NAA38: variants seen among roughly 807,000 people sequenced by gnomAD.
NAA38 encodes the protein N-alpha-acetyltransferase 38, NatC auxiliary subunit.
In NAA38, 15 loss-of-function variants were observed where a neutral mutation model predicts 12.6. The ratio of observed to expected loss-of-function variants is 1.19; its 90% CI spans 0.79 to 1.83. NAA38 has a LOEUF of 1.83. Ranked by LOEUF, NAA38 falls within the 40% of genes most tolerant of loss-of-function variation. The pLI is 0.00. For missense variants in NAA38, 183 were observed against 171.7 expected (o/e 1.07, Z -0.37); for synonymous variants, 88 against 69.9 (o/e 1.26, Z -1.29).
intron 2 of NAA38, among the ~76,000 whole-genome samples, chr17:7,868,613 A>T (rs996661073): frequency 2.6e-5 from 4 of 152,226 alleles, no homozygotes; most frequent in African/African-American, 9.6e-5. Context: ...AGTGTTGTTG[A>T]GAAGATTAAA....
intron 2 of NAA38, among the ~76,000 whole-genome samples, chr17:7,880,984 T>C (rs1967261853): frequency 6.6e-6 from 1 of 152,082 alleles, no homozygotes; most frequent in African/African-American, 2.4e-5. Flanking sequence ...CCAAGTTAGT[T>C]AGGAGTACTG....
chr17:7,858,356 G>C, upstream of NAA38: 1 of 1,614,090 alleles, frequency 6.2e-7, no homozygotes, highest in South Asian at 1.1e-5. Flanking sequence ...CGTTTGCCTG[G>C]TTCTCGAAGG....
At chr17:7,874,291 C>T (rs969327794) in intron 2 of NAA38, among the ~76,000 whole-genome samples, 19 of 152,194 alleles carry the variant, frequency 1.2e-4, no homozygotes, top group South Asian at 4.2e-4. Context: ...GAATTTAATA[C>T]TTCAAAAGGA....
rs747987481 is a variant in NAA38, at chr17:7,857,158, G to A, written c.122C>T (p.Ala41Val). 1 of 1,612,856 alleles carries A rather than the reference G, an allele frequency of 6.2e-7. No homozygotes were observed. Among genetic ancestry groups the A allele is most frequent in the African/African-American group, 1.3e-5 (1 of 74,936 alleles). Residue 41 changes from alanine (A) to valine (V), a missense_variant, in exon 2 of 3, where the codon GCC becomes GTC. By Grantham distance (64) the Ala-to-Val change is moderately conservative (BLOSUM62 0). Coordinates refer to ENST00000575771, the MANE Select transcript of NAA38 (RefSeq NM_001320925.4). ...GAGCAGCGCCTCTAGCTGCTGTCGGGCGCGCTCAGCCGCCGAGTCCTCGCG... is the reference window on the plus strand; with the variant it reads ...GAGCAGCGCCTCTAGCTGCTGTCGGACGCGCTCAGCCGCCGAGTCCTCGCG... ...GEREDSAAER[A>V]RQQLEALLNK...
chr17:7,860,637 A>C (rs2078876045), upstream of NAA38: 1 of 152,222 alleles, frequency 6.6e-6, no homozygotes, highest in Admixed American at 6.5e-5. Flanking sequence ...CACTGCTCTC[A>C]GCAAGTATTT....
upstream of NAA38, chr17:7,885,283 TCCCCTCCCCCGCCGCA>T (rs1355793417): frequency 1.6e-4 from 22 of 141,124 alleles, no homozygotes; most frequent in South Asian, 2.3e-4. Context: ...CCAGGCCTCC[TCCCCTCCCCCGCCGCA>T]CCCCTCCCCC....
At chr17:7,880,133 T>C (rs1967245665) in intron 2 of NAA38, among the ~76,000 whole-genome samples, 1 of 152,078 alleles carries the variant, frequency 6.6e-6, no homozygotes, top group Admixed American at 6.5e-5. Context: ...TGCTATCACA[T>C]ACATTACTGC....
chr17:7,859,424 C>G, upstream of NAA38: 1 of 1,614,114 alleles, frequency 6.2e-7, no homozygotes, highest in Non-Finnish European at 8.5e-7. Flanking sequence ...ACACCGCTAT[C>G]TCCCCTATAA....
chr17:7,881,157 G>C (rs1967264961), intron 2 of NAA38, among the ~76,000 whole-genome samples: 2 of 152,212 alleles, frequency 1.3e-5, no homozygotes, highest in South Asian at 4.1e-4. Flanking sequence ...CTTCTGAGGA[G>C]AGGAACTCCG....
In NAA38 at chr17:7,857,522, T is replaced by G. The variant is rs576947550; in HGVS notation, c.-59A>C. On this transcript the variant is annotated 5_prime_UTR_variant, in exon 1 of 3. Coordinates refer to ENST00000575771, the MANE Select transcript of NAA38 (RefSeq NM_001320925.4). ...CCTAAGCACCTTTCAGGTTGGGTGG[T>G]CCGAGATCTCGCGAGCGCTCCCGAC... The G allele has an allele frequency of 1.1e-4, 157 of 1,473,448 alleles. No homozygotes were observed. The highest frequency in any genetic ancestry group is 1.8e-4 in the Middle Eastern group (1 of 5,484). The allele number at this position is 1,473,448 out of a possible 1,614,324, so 91.3% of individuals were successfully genotyped here.
upstream of NAA38, chr17:7,862,197 A>G (rs2078888151): frequency 6.6e-6 from 1 of 152,214 alleles, no homozygotes; most frequent in Admixed American, 6.5e-5. Flanking sequence ...TCACGAGGGC[A>G]GAGATCTTGT....
upstream of NAA38, chr17:7,861,421 T>C (rs1343751109): frequency 2.6e-5 from 4 of 152,214 alleles, no homozygotes; most frequent in Non-Finnish European, 5.9e-5. Context: ...AAATCGATCA[T>C]TTTGATCTTT....
chr17:7,857,277 G>T (rs571010035), intron 1 of NAA38, 79 bp from the exon 2 acceptor site: 1 of 1,610,060 alleles, frequency 6.2e-7, no homozygotes. Flanking sequence ...GGCAGCCCGC[G>T]GGGCACTCAC....
chr17:7,856,688 G>T lies in NAA38; in HGVS notation c.*43C>A. 1 of 1,508,874 alleles carries T rather than the reference G, an allele frequency of 6.6e-7. No homozygotes were observed. The highest frequency in any genetic ancestry group is 9.2e-7 in the Non-Finnish European group (1 of 1,085,706). 93.5% of individuals were successfully genotyped at this position (1,508,874 alleles called of 1,614,324 possible). A position where few individuals can be genotyped will look rare whatever the true frequency, so the allele number is the denominator to read the frequency against. ...GCTACACACAGACACAGGCCCATTC[G>T]GTCATAAGTTTAATGAAGTCTGAAA... On this transcript the variant is annotated 3_prime_UTR_variant, in exon 3 of 3. Transcript: ENST00000575771.
chr17:7,863,005 T>TC (rs1171994883), upstream of NAA38: 1 of 152,094 alleles, frequency 6.6e-6, no homozygotes, highest in African/African-American at 2.4e-5. Flanking sequence ...TGCTTTTTTT[T>TC]CTCTCACAAG....
upstream of NAA38, chr17:7,858,181 A>G: frequency 6.2e-7 from 1 of 1,613,844 alleles, no homozygotes; most frequent in East Asian, 2.2e-5. Context: ...GAGTATTTTC[A>G]GCGTCGCTAT....
chr17:7,859,920 C>G (rs190154749), upstream of NAA38: 66 of 333,122 alleles, frequency 2.0e-4, no homozygotes, highest in African/African-American at 1.3e-3. Context: ...GAGAGTAGTT[C>G]TACAGGGGTG....
upstream of NAA38, chr17:7,859,618 G>C: frequency 6.2e-7 from 1 of 1,613,310 alleles, no homozygotes; most frequent in Non-Finnish European, 8.5e-7. Flanking sequence ...TGTAGGCAAG[G>C]AGATGTACAC....
upstream of NAA38, chr17:7,859,227 G>T: frequency 1.6e-6 from 1 of 635,310 alleles, no homozygotes. Context: ...GGACTTTAGG[G>T]TCTGCTCATT....
Sources: allele counts gnomAD v4.1 joint callset (sites outside exome capture counted in the v4.1 genomes callset), GRCh38; gene constraint gnomAD v4.1.1; transcripts MANE v1.5; gene names NCBI Gene and HGNC (gene_info 2026-07-23, HGNC 2026-07-21).